Variants in DACH1 observed in about 807,000 individuals in gnomAD.
The protein encoded by DACH1 is dachshund family transcription factor 1, also known as dachshund homolog 1.
DACH1 carries 12 observed loss-of-function variants against 54.2 expected under a neutral mutation model. The ratio of observed to expected loss-of-function variants is 0.22; its 90% CI spans 0.14 to 0.36. The LOEUF is 0.36. Ranked by LOEUF, DACH1 falls within the 10% of genes least tolerant of loss-of-function variation. The pLI, the probability that DACH1 is intolerant of heterozygous loss-of-function variation, is 1.00. For synonymous variants in DACH1, 386 were observed against 366.2 expected (o/e 1.05, Z -0.62); for missense variants, 805 against 929.8 (o/e 0.87, Z 1.75).
intron 10 of DACH1, among the ~76,000 whole-genome samples, chr13:71,445,082 C>T (rs1874330689): frequency 6.6e-6 from 1 of 152,054 alleles, no homozygotes; most frequent in South Asian, 2.1e-4. Context: ...CCACGATAAG[C>T]CCCGTGGAAG....
intron 1 of DACH1, among the ~76,000 whole-genome samples, chr13:71,726,967 G>T (rs185253864): frequency 2.6e-5 from 4 of 152,026 alleles, no homozygotes; most frequent in Non-Finnish European, 5.9e-5. Context: ...TTTTGTTAAA[G>T]ACCAATCAAT....
At chr13:71,603,930 G>C (rs1175674072) in intron 3 of DACH1, among the ~76,000 whole-genome samples, 1 of 151,766 alleles carries the variant, frequency 6.6e-6, no homozygotes, top group Non-Finnish European at 1.5e-5. Flanking sequence ...GAATGTCAGG[G>C]TAACTTTGAT....
chr13:71,768,899 AGCTTTTTTTCTCTTAG>A (rs887291322), intron 1 of DACH1, among the ~76,000 whole-genome samples: 4 of 151,806 alleles, frequency 2.6e-5, no homozygotes, highest in African/African-American at 9.7e-5. Context: ...TGAGTCTTGG[AGCTTTTTTTCTCTTAG>A]TTGTGATACT....
intron 1 of DACH1, among the ~76,000 whole-genome samples, chr13:71,835,950 A>G (rs1888767213): frequency 6.6e-6 from 1 of 152,126 alleles, no homozygotes; most frequent in Non-Finnish European, 1.5e-5. Flanking sequence ...CTTAATACAA[A>G]ACCAAGTGAA....
intron 1 of DACH1, among the ~76,000 whole-genome samples, chr13:71,838,858 T>C (rs976533159): frequency 6.6e-6 from 1 of 152,218 alleles, no homozygotes; most frequent in African/African-American, 2.4e-5. Context: ...CCTACCTTTG[T>C]GGTTTGCAGC....
At chr13:71,612,951 C>G (rs1054215589) in intron 3 of DACH1, among the ~76,000 whole-genome samples, 1 of 152,142 alleles carries the variant, frequency 6.6e-6, no homozygotes, top group African/African-American at 2.4e-5. Context: ...ATAGTGCATG[C>G]CAGTCAATGT....
intron 8 of DACH1, among the ~76,000 whole-genome samples, chr13:71,476,158 C>T (rs1291707896): frequency 6.6e-6 from 1 of 152,092 alleles, no homozygotes; most frequent in Non-Finnish European, 1.5e-5. Context: ...ATAAAGGAAG[C>T]TTGATTAAAT....
At chr13:71,498,303 T>C (rs1361884151) in intron 6 of DACH1, among the ~76,000 whole-genome samples, 1 of 152,184 alleles carries the variant, frequency 6.6e-6, no homozygotes, top group Non-Finnish European at 1.5e-5. Flanking sequence ...AGTAAGTACT[T>C]ATTAATATTT....
In DACH1 at chr13:71,666,808, C is replaced by A. The variant is rs116025145; in HGVS notation, c.964+14987G>T. Among the ~76,000 whole-genome samples the A allele has an allele frequency of 7.1e-3, 1,074 of 152,166 alleles. 16 individuals carry two copies. The highest frequency in any genetic ancestry group is 0.024 in the African/African-American group (1,008 of 41,522). ...CCACCCTGGCCAACATGGTGAAGCT[C>A]TGTTTTTACTAAAAATACAAAAAAT... On this transcript the variant is annotated intron_variant, in intron 2 of 10. Coordinates refer to ENST00000613252, the MANE Select transcript of DACH1 (RefSeq NM_080759.6).
chr13:71,693,597 C>A (rs1042841050), intron 1 of DACH1, among the ~76,000 whole-genome samples: 121 of 150,766 alleles, frequency 8.0e-4, no homozygotes, highest in Non-Finnish European at 8.0e-4. Flanking sequence ...GGATTACAGG[C>A]GTGAGCCACC....
chr13:71,735,247 T>C (rs182333981), intron 1 of DACH1, among the ~76,000 whole-genome samples: 12,277 of 126,604 alleles, frequency 0.097, 4,599 homozygotes, highest in Non-Finnish European at 0.16. Context: ...TACACGTATA[T>C]GGGATATACG....
At chr13:71,509,832 G>A (rs1455774656) in intron 6 of DACH1, among the ~76,000 whole-genome samples, 3 of 152,060 alleles carry the variant, frequency 2.0e-5, no homozygotes, top group African/African-American at 4.8e-5. Context: ...GGATACCATC[G>A]TTCCTTCTAA....
intron 1 of DACH1, among the ~76,000 whole-genome samples, chr13:71,840,308 G>T (rs1888966547): frequency 6.6e-6 from 1 of 152,084 alleles, no homozygotes; most frequent in Non-Finnish European, 1.5e-5. Flanking sequence ...CCTTCAATTT[G>T]TGTTATCTAT....
intron 3 of DACH1, among the ~76,000 whole-genome samples, chr13:71,627,768 A>C (rs2138561156): frequency 6.6e-6 from 1 of 152,116 alleles, no homozygotes; most frequent in South Asian, 2.1e-4. Context: ...CTAATATTGA[A>C]TGTCCTACAA....
chr13:71,524,826 G>T (rs1280619819), intron 6 of DACH1, among the ~76,000 whole-genome samples: 4 of 151,836 alleles, frequency 2.6e-5, no homozygotes, highest in Non-Finnish European at 5.9e-5. Flanking sequence ...AGATTAAATC[G>T]CTCACTGCAC....
chr13:71,666,452 A>G (rs1452150845), intron 2 of DACH1, among the ~76,000 whole-genome samples: 1 of 152,230 alleles, frequency 6.6e-6, no homozygotes, highest in African/African-American at 2.4e-5. Context: ...ATAAATTTGA[A>G]TAAGCCTTTT....
chr13:71,466,509 T>G (rs188816620), intron 10 of DACH1, among the ~76,000 whole-genome samples: 1 of 152,168 alleles, frequency 6.6e-6, no homozygotes, highest in African/African-American at 2.4e-5. Flanking sequence ...TCCCGAACTC[T>G]CATAGTGCCA....
rs540355246 is a variant in DACH1 at position 71,522,224 on chromosome 13, A to T, written c.1571-33076T>A. ...TTTCACAGGCAAAACATTCTCTGCA[A>T]TGTGGGGTGAGTGGCAATGAGAACA... On this transcript the variant is annotated intron_variant, in intron 6 of 10. Coordinates refer to ENST00000613252, the MANE Select transcript of DACH1 (RefSeq NM_080759.6). Among the ~76,000 whole-genome samples, 3 of 152,186 alleles carry T rather than the reference A, an allele frequency of 2.0e-5. No individual in the cohort carries two copies. The East Asian group carries it at 5.8e-4, about 30-fold the overall frequency.
intron 1 of DACH1, among the ~76,000 whole-genome samples, chr13:71,853,132 A>G (rs1219197042): frequency 2.0e-5 from 3 of 152,186 alleles, no homozygotes; most frequent in African/African-American, 7.2e-5. Context: ...TTAATTTCTG[A>G]AGAAAATCAA....
Sources: allele counts gnomAD v4.1 joint callset (sites outside exome capture counted in the v4.1 genomes callset), GRCh38; gene constraint gnomAD v4.1.1; transcripts MANE v1.5; gene names NCBI Gene and HGNC (gene_info 2026-07-23, HGNC 2026-07-21).